The following POU2F2 variants were observed in gnomAD, a reference collection of about 807,000 sequenced individuals.
POU2F2 encodes POU class 2 homeobox 2, also known as POU domain, class 2, transcription factor 2.
POU2F2 carries 14 observed loss-of-function variants against 63.5 expected under a neutral mutation model. The ratio of observed to expected loss-of-function variants is 0.22; its 90% CI spans 0.15 to 0.34. The LOEUF (loss-of-function observed/expected upper bound fraction) is 0.34. Among genes scored for constraint, POU2F2 ranks in the 10% least tolerant of loss-of-function variants. The pLI is 1.00. For missense variants in POU2F2, 607 were observed against 815.2 expected, an observed-to-expected ratio of 0.74 and a Z score of 3.11; for synonymous variants, 306 against 348.6, an observed-to-expected ratio of 0.88 and a Z score of 1.36.
chr19:42,150,216 C>A (rs2034313761), intron 2 of POU2F2, among the ~76,000 whole-genome samples: 1 of 152,060 alleles, frequency 6.6e-6, no homozygotes, highest in Non-Finnish European at 1.5e-5. Context: ...CCCCCCAAGA[C>A]CACCCATCCC....
intron 1 of POU2F2, among the ~76,000 whole-genome samples, chr19:42,130,943 C>T (rs2034211450): frequency 1.5e-5 from 2 of 135,150 alleles, no homozygotes; most frequent in Admixed American, 1.5e-4. Flanking sequence ...CCCAACCCCT[C>T]TACCTATGTC....
intron 1 of POU2F2, among the ~76,000 whole-genome samples, chr19:42,190,531 G>A (rs1282050330): frequency 6.6e-6 from 1 of 151,944 alleles, no homozygotes; most frequent in Non-Finnish European, 1.5e-5. Context: ...CCACAGTTAG[G>A]GATATGCTGG....
intron 4 of POU2F2, 59 bp downstream of exon 4, chr19:42,122,067 T>C (rs766571921): frequency 7.9e-6 from 12 of 1,525,864 alleles, no homozygotes; most frequent in East Asian, 2.3e-5. Context: ...GAGGCAGGCC[T>C]CCTGAGGACC....
chr19:42,126,933 T>G (rs1049645042), intron 1 of POU2F2, among the ~76,000 whole-genome samples: 2 of 152,162 alleles, frequency 1.3e-5, no homozygotes, highest in Non-Finnish European at 2.9e-5. Context: ...ATTTATATTT[T>G]GAGACAAGAG....
rs2076894025 is a variant in POU2F2 at position 42,095,699 on chromosome 19, C to T, written c.872-6G>A. 3.1e-6 allele frequency: 5 copies of T among 1,611,430 alleles called. No individual in the cohort carries two copies. The African/African-American group carries it at 4.0e-5, about 13-fold the overall frequency. ...TGAGTCCACAGACATAGTCTCTGTG[C>T]GCCGGGGGAGACGTGAGCATGAGAA... On this transcript the variant is annotated splice_polypyrimidine_tract_variant and splice_region_variant and intron_variant, in intron 9 of 14. Transcript: ENST00000692977. The surrounding 1 kb of genome is among the most constrained non-coding windows in gnomAD (Gnocchi z 7.1).
chr19:42,183,483 T>C (rs1185283968), intron 1 of POU2F2, among the ~76,000 whole-genome samples: 3 of 152,196 alleles, frequency 2.0e-5, no homozygotes, highest in Non-Finnish European at 4.4e-5. Flanking sequence ...TTTAGGGTAA[T>C]GGAAATGTTT....
At chr19:42,184,520 GCTGAAGTGATGCATGA>G (rs1568427560) in intron 1 of POU2F2, among the ~76,000 whole-genome samples, 2 of 152,066 alleles carry the variant, frequency 1.3e-5, no homozygotes, top group Admixed American at 6.6e-5. Flanking sequence ...CCCCCTGGTG[GCTGAAGTGATGCATGA>G]CTAAGGACGA....
At chr19:42,116,921 T>C (rs993838664) in intron 5 of POU2F2, 6 of 541,158 alleles carry the variant, frequency 1.1e-5, no homozygotes, top group Non-Finnish European at 2.1e-5. Context: ...GCGGCGGCAC[T>C]GGACTGCTGC....
intron 5 of POU2F2, chr19:42,116,856 G>A: frequency 2.4e-6 from 1 of 423,966 alleles, no homozygotes; most frequent in South Asian, 1.7e-5. Context: ...AGGAGGAGGA[G>A]GAAGTAGAGG....
rs537681465 is a variant in POU2F2, at chr19:42,188,499, C to T, written c.-70+7884G>A. Among the ~76,000 whole-genome samples the T allele has an allele frequency of 2.6e-4, 40 of 151,450 alleles. No individual in the cohort carries two copies. The South Asian group carries it at 8.3e-3, about 32-fold the overall frequency. ...CAGTATGGCCAACATGGTGAAATCC[C>T]ATCTCTACTAAAAATACAAAAATTA... On this transcript the variant is annotated intron_variant, in intron 1 of 5. Coordinates refer to the POU2F2 transcript ENST00000532176.
At chr19:42,172,134 G>A in intron 1 of POU2F2, among the ~76,000 whole-genome samples, 1 of 152,068 alleles carries the variant, frequency 6.6e-6, no homozygotes. Flanking sequence ...CCATCTTTAT[G>A]CCCTGCCACC....
At chr19:42,097,552 G>A (rs911541313) in intron 7 of POU2F2, among the ~76,000 whole-genome samples, 9 of 150,070 alleles carry the variant, frequency 6.0e-5, no homozygotes, top group Non-Finnish European at 1.2e-4. Context: ...GCTCACACCT[G>A]TAATCCCAAT....
At chr19:42,147,562 A>G (rs1041070619) in intron 2 of POU2F2, among the ~76,000 whole-genome samples, 6 of 152,204 alleles carry the variant, frequency 3.9e-5, no homozygotes, top group African/African-American at 1.4e-4. Flanking sequence ...TTAGTGCCCA[A>G]CAAACGCTGG....
At position 42,156,761 on chromosome 19, in the gene POU2F2, C is replaced by CT. The variant is rs1555732349; in HGVS notation, c.-9+3570_-9+3571insA. ...GCCTGCGCCTCCCATCCCAGGGCAG[C>CT]CCCCCCGCCATACCTACACTCTTGG... is the stretch of plus-strand genomic sequence containing the variant. On this transcript the variant is annotated intron_variant, in intron 2 of 6. Coordinates refer to the POU2F2 transcript ENST00000524801. The surrounding 1 kb of genome is among the most constrained non-coding windows in gnomAD (Gnocchi z 4.1). The CT allele has an allele frequency of 3.2e-5, 4 of 125,440 alleles. No individual in the cohort carries two copies. The highest frequency in any genetic ancestry group is 7.6e-5 in the Non-Finnish European group (4 of 52,748). 7.8% of individuals were successfully genotyped at this position (125,440 alleles called of 1,614,324 possible).
intron 1 of POU2F2, among the ~76,000 whole-genome samples, chr19:42,185,359 G>T (rs2035001714): frequency 1.3e-5 from 2 of 151,976 alleles, no homozygotes; most frequent in African/African-American, 4.8e-5. Flanking sequence ...GGCTACTGGG[G>T]TAATGTTTCT....
rs1486814645 is a variant in POU2F2 at position 42,102,042 on chromosome 19, T to C, written c.370-2221A>G. 4.6e-5 allele frequency among the ~76,000 whole-genome samples: 7 copies of C among 151,796 alleles called. No individual in the cohort carries two copies. The South Asian group carries it at 1.3e-3, about 27-fold the overall frequency. Reference sequence around the variant, plus strand: ...AGGACCCAGCAACTCCACTCCTGCATGTAACCCACCATACATGTGTATGTG... The same window carrying C: ...AGGACCCAGCAACTCCACTCCTGCACGTAACCCACCATACATGTGTATGTG... On this transcript the variant is annotated intron_variant, in intron 5 of 14. Coordinates refer to ENST00000692977, the MANE Select transcript of POU2F2 (RefSeq NM_001394376.1).
At chr19:42,178,144 G>A (rs1334765242), upstream of POU2F2, among the ~76,000 whole-genome samples, 1 of 151,930 alleles carries the variant, frequency 6.6e-6, no homozygotes, top group Admixed American at 6.6e-5. Context: ...GGAACAGAGT[G>A]GGGGGAGAGG....
intron 2 of POU2F2, among the ~76,000 whole-genome samples, chr19:42,159,945 T>C (rs1007884715): frequency 6.6e-6 from 1 of 152,172 alleles, no homozygotes; most frequent in Non-Finnish European, 1.5e-5. Context: ...TCTATTAGTA[T>C]TCCCATTTAC....
At chr19:42,140,383 C>T (rs1411908279) in intron 2 of POU2F2, among the ~76,000 whole-genome samples, 13 of 152,250 alleles carry the variant, frequency 8.5e-5, no homozygotes, top group Non-Finnish European at 1.0e-4. Context: ...GTCCAGAGCC[C>T]TCCAGTCCTG....
Sources: gnomAD v4.1 joint callset for allele counts (sites outside exome capture counted in the v4.1 genomes callset) on GRCh38, gnomAD v4.1.1 for gene constraint, Gnocchi (gnomAD v3.1) non-coding constraint, MANE v1.5 for transcripts, NCBI Gene and HGNC (gene_info 2026-07-23, HGNC 2026-07-21) for gene names.